Variants in DHX29 observed in about 807,000 individuals in gnomAD.
The protein encoded by DHX29 is ATP-dependent RNA helicase DHX29.
DHX29 carries 79 observed loss-of-function variants against 167.9 expected under a neutral mutation model. That is an observed-to-expected ratio of 0.47 (90% CI 0.39 to 0.57). The LOEUF (loss-of-function observed/expected upper bound fraction) is 0.57. Ranked by LOEUF, DHX29 falls within the 20% of genes least tolerant of loss-of-function variation. DHX29 has a pLI of 0.00. For synonymous variants in DHX29, 530 were observed against 546.0 expected, an observed-to-expected ratio of 0.97 and a Z score of 0.41; for missense variants, 1,347 against 1,593.4, an observed-to-expected ratio of 0.85 and a Z score of 2.63.
chr5:55,258,258 C>T (rs1046741942), intron 26 of DHX29, among the ~76,000 whole-genome samples: 3 of 152,196 alleles, frequency 2.0e-5, no homozygotes, highest in Non-Finnish European at 4.4e-5. Flanking sequence ...TCTAATCATA[C>T]CTCCAAATAT....
intron 1 of DHX29, among the ~76,000 whole-genome samples, chr5:55,304,609 T>C (rs760340511): frequency 1.3e-5 from 2 of 152,026 alleles, no homozygotes; most frequent in African/African-American, 2.4e-5. Context: ...CACCTTCTTA[T>C]ATGATGCCTT....
rs747352250 is a variant in DHX29 at position 55,261,423 on chromosome 5, A to G, written c.3905T>C (p.Ile1302Thr). Residue 1302 changes from isoleucine to threonine, a missense_variant, in exon 25 of 27, where the codon ATA becomes ACA. Ile to Thr is a moderately conservative substitution (Grantham distance 89, BLOSUM62 -1). Transcript: ENST00000251636. ...AAGACGTTCTCGGTGCTGAACTTCTATATCACCACCAAAAAGTAAAACTGG... is the reference window on the plus strand; with the variant it reads ...AAGACGTTCTCGGTGCTGAACTTCTGTATCACCACCAAAAAGTAAAACTGG... ...PFPVLLFGGD[I>T]EVQHRERLLS... 18 of 1,577,050 alleles carry G rather than the reference A, an allele frequency of 1.1e-5. No homozygotes were observed. The highest frequency in any genetic ancestry group is 2.2e-5 in the East Asian group (1 of 44,570).
chr5:55,267,924 A>C lies in DHX29; in HGVS notation c.3295-102T>G, dbSNP rs1579760590. The stretch of plus-strand genomic sequence containing the variant: ...CAAATCATAAAACAATCACACTTTA[A>C]GTTGCCTGTTTATTTTCAATATTTT... On this transcript the variant is annotated intron_variant, in intron 21 of 26. Transcript: ENST00000251636. The C allele has an allele frequency of 4.1e-6, 3 of 730,648 alleles. No homozygotes were observed. The East Asian group carries it at 9.6e-5, about 23-fold the overall frequency. The allele number at this position is 730,648 out of a possible 1,614,324, so 45.3% of individuals were successfully genotyped here. A position where few individuals can be genotyped will look rare whatever the true frequency, so the allele number is the denominator to read the frequency against.
intron 6 of DHX29, among the ~76,000 whole-genome samples, chr5:55,292,947 G>C (rs1579808821): frequency 6.6e-6 from 1 of 151,904 alleles, no homozygotes; most frequent in Non-Finnish European, 1.5e-5. Context: ...ACTTATATTA[G>C]TTTAATACAG....
rs1196761867 is a variant in DHX29 at position 55,307,509 on chromosome 5, G to A, written c.65C>T (p.Ala22Val). The A allele has an allele frequency of 6.2e-7, 1 of 1,613,702 alleles. No homozygotes were observed. Among genetic ancestry groups the A allele is most frequent in the Non-Finnish European group, 8.5e-7 (1 of 1,179,964 alleles). The change falls in exon 1 of 27, where the codon GCT becomes GTT. Residue 22 changes from alanine (A) to valine (V), a missense_variant. Ala to Val is a moderately conservative substitution (Grantham distance 64). Around this residue, in one of 3 missense-constraint regions of DHX29, gnomAD observed 405 missense variants for 416.8 expected, o/e 0.97. Coordinates refer to ENST00000251636, the MANE Select transcript of DHX29 (RefSeq NM_019030.4). ...AAAVVRAAVS[A>V]SRAKSAEAGI... Reference sequence around the variant, plus strand: ...AGCCTCGGCAGATTTGGCTCTGGAAGCAGACACGGCGGCCCGGACCACCGC... The same window carrying A: ...AGCCTCGGCAGATTTGGCTCTGGAAACAGACACGGCGGCCCGGACCACCGC...
chr5:55,275,570 A>C (rs1009037003), intron 14 of DHX29, among the ~76,000 whole-genome samples: 7 of 152,188 alleles, frequency 4.6e-5, no homozygotes, highest in African/African-American at 1.7e-4. Flanking sequence ...TGTTTTCATC[A>C]AATTGGAAAC....
chr5:55,269,312 A>G (rs1363447471), intron 21 of DHX29, 101 bp downstream of exon 21: 2 of 1,109,740 alleles, frequency 1.8e-6, no homozygotes, highest in Non-Finnish European at 2.6e-6. Context: ...TAGACATTCT[A>G]TTTAGTTAAA....
Position 55,307,528 on chromosome 5 carries a change from C to A in DHX29, c.46G>T (p.Val16Phe). 6.2e-7 allele frequency: 1 copy of A among 1,613,528 alleles called. No homozygotes were observed. The change falls in exon 1 of 27, where the codon GTC becomes TTC. Residue 16 changes from valine (V) to phenylalanine (F), a missense_variant. Coordinates refer to ENST00000251636, the MANE Select transcript of DHX29 (RefSeq NM_019030.4). ...CTGGAAGCAGACACGGCGGCCCGGA[C>A]CACCGCGGCCGCTGGAGCCTTGTGT... Reference protein sequence around the residue: ...KKHKAPAAAVVRAAVSASRAK... With the variant: ...KKHKAPAAAVFRAAVSASRAK...
At position 55,289,420 on chromosome 5, in the gene DHX29, T is replaced by C. The variant is rs199877909; in HGVS notation, c.916A>G (p.Thr306Ala). The change falls in exon 8 of 27, where the codon ACT (threonine) becomes GCT (alanine). Residue 306 changes from threonine to alanine, a missense_variant. Physicochemically the swap from Thr to Ala is moderately conservative, Grantham distance 58 (BLOSUM62 0). Coordinates refer to ENST00000251636, the MANE Select transcript of DHX29 (RefSeq NM_019030.4). ...KIRKFQREME[T>A]LEDHPVFNPA... is the part of the protein sequence containing the mutation. The stretch of plus-strand genomic sequence containing the variant: ...TTAAATACTGGATGGTCTTCTAAAG[T>C]TTCCATTTCTACCAAGAAAAAAATA... 55 of 1,532,760 alleles carry C rather than the reference T, an allele frequency of 3.6e-5. No individual in the cohort carries two copies. In the East Asian group the frequency reaches 1.4e-3, roughly 38 times the overall value. 94.9% of individuals were successfully genotyped at this position (1,532,760 alleles called of 1,614,324 possible).
intron 18 of DHX29, 127 bp from the exon 19 acceptor site, chr5:55,270,833 T>A (rs1746819929): frequency 1.5e-6 from 1 of 652,440 alleles, no homozygotes; most frequent in Non-Finnish European, 2.7e-6. Context: ...GGACCAATAG[T>A]TCTCAAATTA....
intron 5 of DHX29, 161 bp downstream of exon 5, chr5:55,295,218 T>A: frequency 1.6e-6 from 1 of 613,786 alleles, no homozygotes; most frequent in Non-Finnish European, 2.8e-6. Context: ...GAGTGGTTTG[T>A]TATATAACTA....
intron 11 of DHX29, 49 bp downstream of exon 11, chr5:55,283,154 T>G (rs762683581): frequency 3.9e-6 from 6 of 1,532,178 alleles, no homozygotes; most frequent in African/African-American, 2.8e-5. Context: ...AAAGCAAAGG[T>G]GAGTAATGTC....
chr5:55,269,554 A>G lies in DHX29; in HGVS notation c.3153T>C (p.Asn1051=). Residue 1051 remains asparagine (N), a synonymous_variant, in exon 21 of 27, where the codon AAT becomes AAC. Coordinates refer to ENST00000251636, the MANE Select transcript of DHX29 (RefSeq NM_019030.4). ...PQLQVISNAM[N]LLRKIGACEL... Reference sequence around the variant, plus strand: ...CACAAGCTCCAATTTTTCGGAGCAAATTCATTGCATTGCTGATCACTTGGA... The same window carrying G: ...CACAAGCTCCAATTTTTCGGAGCAAGTTCATTGCATTGCTGATCACTTGGA... 6.2e-7 allele frequency: 1 copy of G among 1,614,130 alleles called. No individual in the cohort carries two copies. Among genetic ancestry groups the G allele is most frequent in the Non-Finnish European group, 8.5e-7 (1 of 1,180,008 alleles).
chr5:55,285,936 G>T, intron 8 of DHX29, 75 bp from the exon 9 acceptor site: 1 of 1,223,292 alleles, frequency 8.2e-7, no homozygotes, highest in Non-Finnish European at 1.1e-6. Flanking sequence ...GTCCTCTCTT[G>T]CTTTGGAGAA....
chr5:55,270,462 C>A lies in DHX29; in HGVS notation c.3019G>T (p.Val1007Phe), dbSNP rs768278824. 6.2e-7 allele frequency: 1 copy of A among 1,612,998 alleles called. No individual in the cohort carries two copies. Among genetic ancestry groups the A allele is most frequent in the East Asian group, 2.2e-5 (1 of 44,818 alleles). ...AAAGGTACACGTAAGATTTCAGGAA[C>A]AGAATAATCCATAAAGCCTTCAAAT... The part of the protein sequence containing the change: ...ERFEGFMDYS[V>F]PEILRVPLEE... Residue 1007 changes from valine (V) to phenylalanine (F), a missense_variant, in exon 20 of 27, where the codon GTT becomes TTT. By Grantham distance (50) the Val-to-Phe change is conservative (BLOSUM62 -1). This residue lies in a region of DHX29 where 882 missense variants were observed against 1,082.4 expected (regional missense o/e 0.81). Transcript: ENST00000251636.
At chr5:55,305,074 T>C (rs750278549) in intron 1 of DHX29, among the ~76,000 whole-genome samples, 4 of 152,228 alleles carry the variant, frequency 2.6e-5, no homozygotes, top group Admixed American at 6.5e-5. Flanking sequence ...CATGACAATA[T>C]GCACAGCACT....
intron 4 of DHX29, 140 bp downstream of exon 4, chr5:55,296,080 A>G: frequency 1.1e-6 from 1 of 914,190 alleles, no homozygotes; most frequent in Non-Finnish European, 1.5e-6. Flanking sequence ...AATATCCTGA[A>G]AAGAACAGAA....
At chr5:55,279,298 C>G (rs958682492) in intron 12 of DHX29, among the ~76,000 whole-genome samples, 1 of 152,064 alleles carries the variant, frequency 6.6e-6, no homozygotes, top group Non-Finnish European at 1.5e-5. Flanking sequence ...GGGGATCATT[C>G]AGAGACTGAG....
chr5:55,277,094 A>C lies in DHX29; in HGVS notation c.2286+12T>G. ...AGTTTCTGCTTATACACACATTATA[A>C]AGAAAACTTACCTCAACAGGATAAC... On this transcript the variant is annotated intron_variant, in intron 13 of 26. Transcript: ENST00000251636. 6.3e-7 allele frequency: 1 copy of C among 1,591,768 alleles called. No homozygotes were observed.
Sources: gnomAD v4.1 joint callset for allele counts (sites outside exome capture counted in the v4.1 genomes callset) on GRCh38, gnomAD v4.1.1 for gene constraint, gnomAD v4.1.1 regional missense constraint, MANE v1.5 for transcripts, NCBI Gene and HGNC (gene_info 2026-07-23, HGNC 2026-07-21) for gene names.